The following MYO1B variants were observed in gnomAD, a reference collection of about 807,000 sequenced individuals.
The protein encoded by MYO1B is unconventional myosin-Ib.
MYO1B carries 72 observed loss-of-function variants against 159.7 expected under a neutral mutation model. The ratio of observed to expected loss-of-function variants is 0.45; its 90% confidence interval spans 0.37 to 0.55. The LOEUF (loss-of-function observed/expected upper bound fraction) is 0.55. Ranked by LOEUF, MYO1B falls within the 20% of genes least tolerant of loss-of-function variation. The probability of loss-of-function intolerance (pLI) is 0.00; values close to 1 mark genes in which losing one functional copy is unlikely to be tolerated. For missense variants in MYO1B, 1,062 were observed against 1,364.8 expected (o/e 0.78, Z 3.50); for synonymous variants, 468 against 473.8 (o/e 0.99, Z 0.16).
At chr2:191,376,828 T>G (rs1225684952) in intron 13 of MYO1B, among the ~76,000 whole-genome samples, 1 of 152,236 alleles carries the variant, frequency 6.6e-6, no homozygotes, top group African/African-American at 2.4e-5. Context: ...TTTATTGTTT[T>G]TAAAGAGCCT....
intron 1 of MYO1B, among the ~76,000 whole-genome samples, chr2:191,254,880 T>C (rs557601100): frequency 3.3e-5 from 5 of 152,176 alleles, no homozygotes; most frequent in Non-Finnish European, 7.4e-5. Flanking sequence ...TCATCAAATG[T>C]TTAGGTGCCT....
chr2:191,319,433 C>T (rs13410863), intron 3 of MYO1B, among the ~76,000 whole-genome samples: 3,441 of 152,276 alleles, frequency 0.023, 121 homozygotes, highest in African/African-American at 0.077. Context: ...TCTGAATCAT[C>T]GTCCTCTGAT....
rs13019004 is a variant in MYO1B, at chr2:191,245,493, C to T, written c.-143C>T. On this transcript the variant is annotated 5_prime_UTR_variant, in exon 1 of 31. Transcript: ENST00000392318. Reference sequence around the variant, plus strand: ...GCGCGGCGCGCAGTCGGCCGGCAGCCGCGGGACAGCCTTGGCAGAACAGCC... The same window carrying T: ...GCGCGGCGCGCAGTCGGCCGGCAGCTGCGGGACAGCCTTGGCAGAACAGCC... 41,538 of 152,074 alleles carry T rather than the reference C, an allele frequency of 0.27. 6,257 individuals carry two copies. Among genetic ancestry groups the T allele is most frequent in the Middle Eastern group, 0.46 (136 of 294 alleles). The allele number at this position is 152,074 out of a possible 1,614,324, so 9.4% of individuals were successfully genotyped here.
At chr2:191,389,903 T>C in intron 17 of MYO1B, among the ~76,000 whole-genome samples, 1 of 152,158 alleles carries the variant, frequency 6.6e-6, no homozygotes, top group East Asian at 1.9e-4. Context: ...TGCATGTTGA[T>C]CCCCCACTAC....
chr2:191,384,324 A>AT (rs1695275049), intron 15 of MYO1B, among the ~76,000 whole-genome samples: 1 of 152,250 alleles, frequency 6.6e-6, no homozygotes, highest in Admixed American at 6.5e-5. Context: ...GTTTAGTGAG[A>AT]TGAGTGCTGT....
chr2:191,423,646 G>A (rs1698082621), intron 30 of MYO1B, among the ~76,000 whole-genome samples, 191 bp from the exon 31 acceptor site: 1 of 152,170 alleles, frequency 6.6e-6, no homozygotes, highest in Admixed American at 6.6e-5. Context: ...GTTCCAGCAA[G>A]CATTTCCTTT....
At chr2:191,369,288 A>G (rs1248507052) in intron 11 of MYO1B, among the ~76,000 whole-genome samples, 1 of 152,200 alleles carries the variant, frequency 6.6e-6, no homozygotes, top group East Asian at 1.9e-4. Context: ...TAAAATTGAA[A>G]TAAATATCTT....
chr2:191,394,254 T>C (rs927138818), intron 20 of MYO1B, among the ~76,000 whole-genome samples: 4 of 152,204 alleles, frequency 2.6e-5, no homozygotes, highest in African/African-American at 4.8e-5. Flanking sequence ...CTTTGGACTG[T>C]TGTCACCCAG....
chr2:191,307,840 A>G (rs1689746007), intron 3 of MYO1B, among the ~76,000 whole-genome samples: 1 of 152,184 alleles, frequency 6.6e-6, no homozygotes, highest in Non-Finnish European at 1.5e-5. Context: ...TATAAAGGAT[A>G]CAACACAGGA....
At chr2:191,301,296 C>T (rs1053749576) in intron 3 of MYO1B, among the ~76,000 whole-genome samples, 1 of 152,134 alleles carries the variant, frequency 6.6e-6, no homozygotes, top group Non-Finnish European at 1.5e-5. Context: ...AACTCAGTAA[C>T]TGGATTCATT....
At chr2:191,420,329 G>A (rs949022190) in intron 30 of MYO1B, among the ~76,000 whole-genome samples, 24 of 152,344 alleles carry the variant, frequency 1.6e-4, no homozygotes, top group Admixed American at 9.8e-4. Flanking sequence ...ATACCGTAAT[G>A]TAATGTCCTA....
At chr2:191,419,703 G>A (rs1174752677) in intron 30 of MYO1B, among the ~76,000 whole-genome samples, 1 of 152,088 alleles carries the variant, frequency 6.6e-6, no homozygotes, top group African/African-American at 2.4e-5. Context: ...GGAGATAGAA[G>A]ACAGTGAAAT....
intron 7 of MYO1B, among the ~76,000 whole-genome samples, chr2:191,350,979 T>C (rs960550295): frequency 2.0e-5 from 3 of 152,098 alleles, no homozygotes; most frequent in Non-Finnish European, 1.5e-5. Flanking sequence ...AACCCTGATG[T>C]CCCTGCTCCT....
At chr2:191,418,482 A>ATTTTTTTTTTTTTTTTTTTTTTT (rs1159016855) in intron 30 of MYO1B, among the ~76,000 whole-genome samples, 2 of 81,044 alleles carry the variant, frequency 2.5e-5, no homozygotes, top group Non-Finnish European at 2.2e-5. Flanking sequence ...TCTTTAGTGG[A>ATTTTTTTTTTTTTTTTTTTTTTT]TTTTTTTTTT....
intron 3 of MYO1B, among the ~76,000 whole-genome samples, chr2:191,297,361 T>A (rs913633109): frequency 6.6e-6 from 1 of 152,208 alleles, no homozygotes; most frequent in African/African-American, 2.4e-5. Context: ...CAGCATAACA[T>A]CTTTTATGCA....
intron 2 of MYO1B, among the ~76,000 whole-genome samples, chr2:191,288,740 G>C (rs1405998530): frequency 6.6e-6 from 1 of 152,196 alleles, no homozygotes; most frequent in Non-Finnish European, 1.5e-5. Flanking sequence ...CAGTGCGATT[G>C]TGCAGCCTTG....
intron 3 of MYO1B, among the ~76,000 whole-genome samples, chr2:191,307,805 C>T (rs766944643): frequency 3.9e-5 from 6 of 152,114 alleles, no homozygotes; most frequent in Admixed American, 6.5e-5. Context: ...CAGGATGATA[C>T]GTTTTTTAAC....
chr2:191,267,144 T>C (rs562534807), intron 1 of MYO1B, among the ~76,000 whole-genome samples: 210 of 152,244 alleles, frequency 1.4e-3, no homozygotes, highest in African/African-American at 5.0e-3. Context: ...ATAACCAGAA[T>C]GTTGAATTAA....
Position 191,350,217 on chromosome 2 carries a change from T to G in MYO1B, c.554T>G (p.Ile185Arg). Residue 185 changes from isoleucine (I) to arginine (R), a missense_variant, in exon 7 of 31, where the codon ATA becomes AGA. Transcript: ENST00000392318. ...AAAGGCGATCCACTAGGAGGAGTAA[T>G]AAGTAACTGTGAGTATTTTTCTTCA... ...DFKGDPLGGVISNYLLEKSRV... is the reference protein window; with the variant it reads ...DFKGDPLGGVRSNYLLEKSRV... The G allele has an allele frequency of 1.2e-6, 2 of 1,611,514 alleles. No homozygotes were observed. The highest frequency in any genetic ancestry group is 1.7e-6 in the Non-Finnish European group (2 of 1,178,014).
Sources: allele counts gnomAD v4.1 joint callset (sites outside exome capture counted in the v4.1 genomes callset), GRCh38; gene constraint gnomAD v4.1.1; transcripts MANE v1.5; gene names NCBI Gene and HGNC (gene_info 2026-07-23, HGNC 2026-07-21).